Variants in AFF3 observed in about 807,000 individuals in gnomAD.
The protein encoded by AFF3 is AF4/FMR2 family member 3.
AFF3 carries 32 observed loss-of-function variants against 129.7 expected under a neutral mutation model. That is an observed-to-expected ratio of 0.25 (90% CI 0.19 to 0.33). AFF3 has a LOEUF of 0.33. AFF3 is among the 10% of genes least tolerant of loss of function. The pLI is 1.00. For missense variants in AFF3, 1,373 were observed against 1,592.0 expected, an observed-to-expected ratio of 0.86 and a Z score of 2.34; for synonymous variants, 644 against 635.4, an observed-to-expected ratio of 1.01 and a Z score of -0.20.
chr2:99,756,067 CTCCTT>C (rs1468678210), intron 8 of AFF3, among the ~76,000 whole-genome samples: 3 of 152,340 alleles, frequency 2.0e-5, no homozygotes, highest in Admixed American at 6.5e-5. Flanking sequence ...AACTTGGGCC[CTCCTT>C]TCCTTCTCCT....
intron 7 of AFF3, among the ~76,000 whole-genome samples, chr2:99,914,330 T>C (rs1269398423): frequency 1.3e-5 from 2 of 152,160 alleles, no homozygotes; most frequent in Non-Finnish European, 2.9e-5. Flanking sequence ...ATGCTGGCTT[T>C]TATTCTTCAA....
intron 11 of AFF3, among the ~76,000 whole-genome samples, chr2:99,694,390 C>T (rs934300076): frequency 6.6e-6 from 1 of 152,076 alleles, no homozygotes; most frequent in Non-Finnish European, 1.5e-5. Flanking sequence ...GAGCAGTAGG[C>T]CACAGTGGCA....
intron 11 of AFF3, among the ~76,000 whole-genome samples, chr2:99,690,465 G>A (rs2104654766): frequency 6.6e-6 from 1 of 152,128 alleles, no homozygotes; most frequent in East Asian, 2.0e-4. Flanking sequence ...ACAGGCGTGA[G>A]CCACCACGCT....
chr2:99,827,320 C>A (rs558808293), intron 8 of AFF3, among the ~76,000 whole-genome samples: 14 of 152,008 alleles, frequency 9.2e-5, no homozygotes, highest in Non-Finnish European at 1.9e-4. Context: ...GACAGGTCCA[C>A]GTAGGAGACC....
chr2:99,753,889 A>T (rs1411264984), intron 8 of AFF3, among the ~76,000 whole-genome samples: 1 of 152,158 alleles, frequency 6.6e-6, no homozygotes, highest in Non-Finnish European at 1.5e-5. Flanking sequence ...CTCTCCTCCC[A>T]TCTCTGCCCT....
chr2:99,740,212 T>C lies in AFF3; in HGVS notation c.1039+3892A>G, dbSNP rs1384873293. 6.0e-5 allele frequency among the ~76,000 whole-genome samples: 9 copies of C among 150,870 alleles called. No homozygotes were observed. The East Asian group carries it at 1.2e-3, about 20-fold the overall frequency. ...CACATTTTCTTAATCCAGTCTGTCA[T>C]TGTTGGACATTTGGGTTGGTTCCAA... On this transcript the variant is annotated intron_variant, in intron 10 of 24. Transcript: ENST00000672756.
chr2:100,137,961 T>C (rs1191167422), intron 1 of AFF3, among the ~76,000 whole-genome samples: 1 of 152,170 alleles, frequency 6.6e-6, no homozygotes, highest in African/African-American at 2.4e-5. Context: ...GCAATCAGAA[T>C]GAGGATGCAG....
intron 7 of AFF3, among the ~76,000 whole-genome samples, chr2:100,003,201 A>G (rs1681597679): frequency 6.6e-6 from 1 of 152,184 alleles, no homozygotes; most frequent in Non-Finnish European, 1.5e-5. Flanking sequence ...ATTTCTAAAG[A>G]AGATCCCCAA....
At chr2:99,834,958 G>A (rs1347386906) in intron 8 of AFF3, among the ~76,000 whole-genome samples, 1 of 152,096 alleles carries the variant, frequency 6.6e-6, no homozygotes, top group Non-Finnish European at 1.5e-5. Flanking sequence ...CTGACCTCCT[G>A]ACCTCCAATA....
intron 8 of AFF3, among the ~76,000 whole-genome samples, chr2:99,760,599 A>G (rs1359006839): frequency 2.0e-5 from 3 of 152,174 alleles, no homozygotes; most frequent in Non-Finnish European, 4.4e-5. Context: ...CACTGTAGCC[A>G]TGGTCCTCAC....
intron 11 of AFF3, among the ~76,000 whole-genome samples, chr2:99,677,263 C>A (rs376566278): frequency 1.4e-3 from 148 of 105,090 alleles, no homozygotes; most frequent in Middle Eastern, 5.3e-3. Flanking sequence ...GACCCTGTCT[C>A]AAAAAAAAAA....
chr2:99,978,549 C>T (rs1387092206), intron 7 of AFF3, among the ~76,000 whole-genome samples: 3 of 152,164 alleles, frequency 2.0e-5, no homozygotes, highest in Non-Finnish European at 4.4e-5. Flanking sequence ...ATTCTCCCCC[C>T]AGACAAACCC....
At chr2:99,786,928 ATTT>A (rs1272483059) in intron 8 of AFF3, among the ~76,000 whole-genome samples, 2 of 152,166 alleles carry the variant, frequency 1.3e-5, no homozygotes, top group African/African-American at 2.4e-5. Flanking sequence ...GCTAAGCATT[ATTT>A]ATTGTATCTA....
intron 18 of AFF3, among the ~76,000 whole-genome samples, chr2:99,575,559 C>A (rs539862538): frequency 6.6e-5 from 10 of 152,078 alleles, no homozygotes; most frequent in African/African-American, 2.4e-4. Flanking sequence ...CCGCGCCTGG[C>A]CTATTTTTGC....
intron 2 of AFF3, among the ~76,000 whole-genome samples, chr2:100,126,824 G>A (rs1692213161): frequency 6.6e-6 from 1 of 152,104 alleles, no homozygotes; most frequent in African/African-American, 2.4e-5. Context: ...TCTCATTTCT[G>A]TTTCCAATAA....
intron 22 of AFF3, among the ~76,000 whole-genome samples, chr2:99,555,360 A>G (rs1412383938): frequency 6.6e-6 from 1 of 152,262 alleles, no homozygotes; most frequent in East Asian, 1.9e-4. Flanking sequence ...CTGAAAATAC[A>G]TGACATCAGA....
chr2:99,639,436 G>A (rs996459960), intron 13 of AFF3, among the ~76,000 whole-genome samples: 2 of 152,222 alleles, frequency 1.3e-5, no homozygotes, highest in African/African-American at 4.8e-5. Context: ...TGTGACTATA[G>A]ATGGTACTTG....
chr2:99,704,569 T>A (rs1175286537), intron 11 of AFF3, among the ~76,000 whole-genome samples: 1 of 152,174 alleles, frequency 6.6e-6, no homozygotes, highest in Non-Finnish European at 1.5e-5. Flanking sequence ...GAGAGACAGA[T>A]CCCTTAGGAG....
intron 4 of AFF3, among the ~76,000 whole-genome samples, chr2:100,063,323 C>T (rs1392260031): frequency 3.3e-5 from 5 of 150,716 alleles, no homozygotes; most frequent in South Asian, 4.2e-4. Flanking sequence ...TGGAGATTGG[C>T]TGCATAACAA....
Sources: gnomAD v4.1 joint callset for allele counts (sites outside exome capture counted in the v4.1 genomes callset) on GRCh38, gnomAD v4.1.1 for gene constraint, MANE v1.5 for transcripts, NCBI Gene and HGNC (gene_info 2026-07-23, HGNC 2026-07-21) for gene names.